Variants in MRTFA observed in about 807,000 individuals in gnomAD.
MRTFA encodes the protein myocardin-related transcription factor A.
Under a neutral mutation model 83.5 loss-of-function variants are expected in MRTFA, and 20 were observed. The ratio of observed to expected loss-of-function variants is 0.24; its 90% CI spans 0.17 to 0.35. The LOEUF is 0.35. MRTFA is among the 10% of genes least tolerant of loss of function. The pLI is 1.00. For synonymous variants in MRTFA, 659 were observed against 541.2 expected (o/e 1.22, Z -3.02); for missense variants, 1,200 against 1,224.7 (o/e 0.98, Z 0.30).
At chr22:40,495,294 C>CA (rs1210346007) in intron 3 of MRTFA, among the ~76,000 whole-genome samples, 2 of 151,520 alleles carry the variant, frequency 1.3e-5, no homozygotes, top group Non-Finnish European at 2.9e-5. Flanking sequence ...AAAAAAAATA[C>CA]AAAAAAAATT....
rs143908460 is a variant in MRTFA at position 40,591,512 on chromosome 22, G to A, written c.-22+3162C>T. On this transcript the variant is annotated intron_variant, in intron 2 of 14. Coordinates refer to ENST00000355630, the MANE Select transcript of MRTFA (RefSeq NM_020831.6). The stretch of plus-strand genomic sequence containing the variant: ...TCATGAGTGGAAGATTAAATCCGAT[G>A]CAGAACTTAATAAAATGTGCGCCTT... Among the ~76,000 whole-genome samples the A allele has an allele frequency of 4.6e-5, 7 of 152,282 alleles. No individual in the cohort carries two copies. The East Asian group carries it at 1.3e-3, about 29-fold the overall frequency.
intron 3 of MRTFA, among the ~76,000 whole-genome samples, chr22:40,513,602 C>CAAA (rs111580647): frequency 0.12 from 7,822 of 65,616 alleles, 356 homozygotes; most frequent in East Asian, 0.3. Flanking sequence ...GACTCCATCT[C>CAAA]AAAAAAAAAA....
At chr22:40,555,433 T>C (rs2055506419) in intron 2 of MRTFA, among the ~76,000 whole-genome samples, 1 of 152,102 alleles carries the variant, frequency 6.6e-6, no homozygotes, top group African/African-American at 2.4e-5. Context: ...TGTGTGGCAC[T>C]GCCCCCCTTC....
intron 3 of MRTFA, among the ~76,000 whole-genome samples, chr22:40,512,250 G>A (rs1181196950): frequency 3.3e-5 from 5 of 152,186 alleles, no homozygotes; most frequent in Non-Finnish European, 7.3e-5. Context: ...TTGTTTTACA[G>A]GTGCTCATCA....
chr22:40,633,922 G>A (rs1022592798), intron 1 of MRTFA, among the ~76,000 whole-genome samples: 36 of 152,178 alleles, frequency 2.4e-4, no homozygotes, highest in African/African-American at 8.4e-4. Flanking sequence ...TTCAAGTCCT[G>A]GTTCTGTTAA....
At chr22:40,552,564 G>A (rs2055458170) in intron 2 of MRTFA, among the ~76,000 whole-genome samples, 197 bp from the exon 3 acceptor site, 1 of 152,122 alleles carries the variant, frequency 6.6e-6, no homozygotes, top group African/African-American at 2.4e-5. Context: ...AGATCTGATG[G>A]TTTTATAAGG....
At chr22:40,467,888 GAAC>G (rs1256988078) in intron 3 of MRTFA, among the ~76,000 whole-genome samples, 1 of 152,140 alleles carries the variant, frequency 6.6e-6, no homozygotes, top group African/African-American at 2.4e-5. Context: ...GGGCCTGTGT[GAAC>G]AACCTATACA....
intron 1 of MRTFA, among the ~76,000 whole-genome samples, chr22:40,628,387 C>T (rs1490982600): frequency 1.3e-5 from 2 of 152,144 alleles, no homozygotes; most frequent in Non-Finnish European, 2.9e-5. Flanking sequence ...GCCCATTATG[C>T]TTTAAATTTT....
chr22:40,424,084 G>A (rs1346060339), intron 8 of MRTFA, 122 bp downstream of exon 8: 34 of 1,116,266 alleles, frequency 3.0e-5, no homozygotes, highest in Non-Finnish European at 3.7e-5. Flanking sequence ...AGCAACTAGG[G>A]TAGCATCCCC....
At chr22:40,452,877 C>T (rs2053520959) in intron 4 of MRTFA, among the ~76,000 whole-genome samples, 1 of 150,944 alleles carries the variant, frequency 6.6e-6, no homozygotes, top group African/African-American at 2.4e-5. Context: ...TGGTTGGATT[C>T]TTCTTCGGAC....
rs558228561 is a variant in MRTFA at position 40,593,062 on chromosome 22, C to T, written c.-22+1612G>A. Among the ~76,000 whole-genome samples, 5 of 152,236 alleles carry T rather than the reference C, an allele frequency of 3.3e-5. 1 individual carries two copies. The South Asian group carries it at 1.0e-3, about 32-fold the overall frequency. On this transcript the variant is annotated intron_variant, in intron 2 of 14. Transcript: ENST00000355630. ...CCTACACTGACCTCTCCTGCACCAA[C>T]TTCAGCAAATCCTAGGTCAAGAGCC...
At chr22:40,580,133 T>C (rs2055925328) in intron 2 of MRTFA, among the ~76,000 whole-genome samples, 1 of 152,134 alleles carries the variant, frequency 6.6e-6, no homozygotes, top group African/African-American at 2.4e-5. Context: ...GGACAGCAAA[T>C]ATAGAAACAT....
In MRTFA at chr22:40,420,979, C is replaced by G. The variant is rs759457264; in HGVS notation, c.1049G>C (p.Arg350Thr). The G allele has an allele frequency of 1.7e-5, 27 of 1,610,904 alleles. No individual in the cohort carries two copies. In the South Asian group the frequency reaches 2.6e-4, roughly 16 times the overall value. The change falls in exon 10 of 15, where the codon AGG (arginine) becomes ACG (threonine). Residue 350 changes from arginine to threonine, a missense_variant. By Grantham distance (71) the Arg-to-Thr change is moderately conservative. This residue lies in a region of MRTFA where 1,107 missense variants were observed against 1,041.8 expected (regional missense o/e 1.06). Transcript: ENST00000355630. ...GGATGAGTCCATGGGGGGTGCCCCC[C>G]TGTCCTGCTTCTGGTCCGGGGGGAT...
chr22:40,437,619 C>T lies in MRTFA; in HGVS notation c.308-2065G>A, dbSNP rs540871601. ...TACTAAAAATACAAACATTTTTGTA[C>T]AGGCATGGTAGAGGGTGCCTGTAAT... is the stretch of plus-strand genomic sequence containing the variant. On this transcript the variant is annotated intron_variant, in intron 4 of 14. Transcript: ENST00000355630. Among the ~76,000 whole-genome samples the T allele has an allele frequency of 1.5e-3, 229 of 152,094 alleles. 1 individual carries two copies. The highest frequency in any genetic ancestry group is 5.3e-3 in the Admixed American group (81 of 15,268).
intron 2 of MRTFA, among the ~76,000 whole-genome samples, chr22:40,555,375 G>A (rs2055505000): frequency 1.3e-5 from 2 of 152,084 alleles, no homozygotes; most frequent in African/African-American, 4.8e-5. Flanking sequence ...GATTGGTGCT[G>A]TCCACATGGT....
At chr22:40,580,005 A>G (rs2147358191) in intron 2 of MRTFA, among the ~76,000 whole-genome samples, 1 of 152,342 alleles carries the variant, frequency 6.6e-6, no homozygotes, top group East Asian at 1.9e-4. Context: ...TTTTCGAGCA[A>G]GGAAAAAATA....
intron 2 of MRTFA, among the ~76,000 whole-genome samples, chr22:40,565,827 G>A (rs1325189062): frequency 6.6e-6 from 1 of 152,186 alleles, no homozygotes; most frequent in Non-Finnish European, 1.5e-5. Context: ...AGTGATATCC[G>A]AAAGAGACTT....
chr22:40,549,641 G>A (rs1039201258), intron 3 of MRTFA, among the ~76,000 whole-genome samples: 4 of 152,180 alleles, frequency 2.6e-5, no homozygotes, highest in Admixed American at 6.5e-5. Flanking sequence ...TTACTAACAG[G>A]TGTACTCACT....
At chr22:40,519,385 T>C (rs142416672) in intron 3 of MRTFA, 2 of 1,297,774 alleles carry the variant, frequency 1.5e-6, no homozygotes, top group Admixed American at 2.3e-5. Flanking sequence ...TTTTGTGTAA[T>C]ATTTCATTTA....
Sources: allele counts gnomAD v4.1 joint callset (sites outside exome capture counted in the v4.1 genomes callset), GRCh38; gene constraint gnomAD v4.1.1; regional missense constraint gnomAD v4.1.1; transcripts MANE v1.5; gene names NCBI Gene and HGNC (gene_info 2026-07-23, HGNC 2026-07-21).